HMGN5: variants seen among roughly 807,000 people sequenced by gnomAD.
HMGN5 encodes high mobility group nucleosome binding domain 5.
HMGN5 carries 4 observed loss-of-function variants against 9.5 expected under a neutral mutation model. The ratio of observed to expected loss-of-function variants is 0.42; its 90% CI spans 0.21 to 0.96. HMGN5 has a LOEUF of 0.96. Among genes scored for constraint, HMGN5 ranks in the 40% least tolerant of loss-of-function variants. The pLI, the probability that HMGN5 is intolerant of heterozygous loss-of-function variation, is 0.30. For missense variants in HMGN5, 192 were observed against 187.5 expected, an observed-to-expected ratio of 1.02 and a Z score of -0.14; for synonymous variants, 55 against 57.1, an observed-to-expected ratio of 0.96 and a Z score of 0.16.
At chrX:81,197,352 C>T (rs1208257378) in intron 1 of HMGN5, among the ~76,000 whole-genome samples, 1 of 111,713 alleles carries the variant, frequency 9.0e-6, no homozygotes, top group African/African-American at 3.3e-5. Flanking sequence ...TAATGTTTTT[C>T]AGACAGTTCA....
chrX:81,143,426 T>C (rs752795302), intron 1 of HMGN5, among the ~76,000 whole-genome samples: 16 of 112,046 alleles, frequency 1.4e-4, no homozygotes, highest in East Asian at 1.4e-3. Context: ...CCCAGCGAGA[T>C]TGATGCAGAA....
Position 81,153,617 on chromosome X carries a change from A to C in HMGN5, c.-123-31945T>G, listed in dbSNP as rs866648189. The stretch of plus-strand genomic sequence containing the variant: ...TATATATATATATATATATATATAT[A>C]TATATATATATATATATATATATGT... On this transcript the variant is annotated intron_variant, in intron 1 of 6. Coordinates refer to ENST00000358130, the MANE Select transcript of HMGN5 (RefSeq NM_030763.3). Among the ~76,000 whole-genome samples, 431 of 49,040 alleles carry C rather than the reference A, an allele frequency of 8.8e-3. 33 individuals are homozygous for C. The highest frequency in any genetic ancestry group is 0.022 in the Admixed American group (79 of 3,637). The allele number at this position is 49,040 out of a possible 115,157, so 42.6% of individuals were successfully genotyped here.
intron 1 of HMGN5, among the ~76,000 whole-genome samples, chrX:81,174,198 T>C (rs2075434862): frequency 9.0e-6 from 1 of 111,339 alleles, no homozygotes; most frequent in Non-Finnish European, 1.9e-5. Flanking sequence ...CAGTCCTTTA[T>C]TAAAGGGTAT....
chrX:81,155,102 T>TATATATATATATATATAC (rs1407923805), intron 1 of HMGN5, among the ~76,000 whole-genome samples: 56 of 91,018 alleles, frequency 6.2e-4, no homozygotes, highest in African/African-American at 2.2e-3. Context: ...TATATATATA[T>TATATATATATATATATAC]ACACACACAC....
At chrX:81,150,559 T>C (rs754512411) in intron 1 of HMGN5, among the ~76,000 whole-genome samples, 1 of 111,472 alleles carries the variant, frequency 9.0e-6, no homozygotes, top group South Asian at 3.8e-4. Flanking sequence ...AGAGTGAAAC[T>C]CTGTCTTGCA....
Position 81,183,427 on chromosome X carries a change from T to G in HMGN5, c.-124+18310A>C, listed in dbSNP as rs753571164. Reference sequence around the variant, plus strand: ...CCCTGTGCAGCCTCAGGAGACTGCTTTCTGTATCCCAGCTGCTCCAATCCC... The same window carrying G: ...CCCTGTGCAGCCTCAGGAGACTGCTGTCTGTATCCCAGCTGCTCCAATCCC... On this transcript the variant is annotated intron_variant, in intron 1 of 6. Transcript: ENST00000358130. Among the ~76,000 whole-genome samples the G allele has an allele frequency of 2.8e-3, 296 of 105,300 alleles. 6 individuals carry two copies. The highest frequency in any genetic ancestry group is 2.5e-3 in the Admixed American group (24 of 9,535). The allele number at this position is 105,300 out of a possible 115,157, so 91.4% of individuals were successfully genotyped here.
intron 1 of HMGN5, among the ~76,000 whole-genome samples, chrX:81,171,119 A>G (rs2075424883): frequency 9.0e-6 from 1 of 111,674 alleles, no homozygotes; most frequent in Non-Finnish European, 1.9e-5. Flanking sequence ...ATGTGTTTTT[A>G]TTCTAACATC....
chrX:81,183,085 A>G (rs772166018), intron 1 of HMGN5, among the ~76,000 whole-genome samples: 1 of 112,051 alleles, frequency 8.9e-6, no homozygotes, highest in African/African-American at 3.2e-5. Flanking sequence ...AGGGTATCTG[A>G]TGGAAGAAAT....
At chrX:81,123,725 G>A (rs1423023936) in intron 1 of HMGN5, among the ~76,000 whole-genome samples, 1 of 112,185 alleles carries the variant, frequency 8.9e-6, no homozygotes, top group African/African-American at 3.2e-5. Flanking sequence ...CTGTCTTTAA[G>A]GAATTTTATA....
chrX:81,177,194 T>A (rs759361284), intron 1 of HMGN5, among the ~76,000 whole-genome samples: 1 of 107,383 alleles, frequency 9.3e-6, no homozygotes, highest in South Asian at 4.2e-4. Flanking sequence ...ATTTAATAAA[T>A]GTACTAAAAT....
intron 1 of HMGN5, among the ~76,000 whole-genome samples, chrX:81,153,867 G>A (rs1418261742): frequency 4.8e-5 from 5 of 104,630 alleles, no homozygotes; most frequent in African/African-American, 1.7e-4. Context: ...AAAACAAGAT[G>A]AAATCAATTG....
intron 1 of HMGN5, among the ~76,000 whole-genome samples, chrX:81,167,012 G>T (rs2147631695): frequency 9.0e-6 from 1 of 111,280 alleles, no homozygotes; most frequent in Admixed American, 9.6e-5. Flanking sequence ...GATATCACTA[G>T]GCATAAGTGG....
At chrX:81,147,312 T>C (rs1482629021) in intron 1 of HMGN5, among the ~76,000 whole-genome samples, 1 of 111,758 alleles carries the variant, frequency 8.9e-6, no homozygotes, top group African/African-American at 3.3e-5. Flanking sequence ...TCAAGTTGGC[T>C]TCATCCCTGG....
At chrX:81,161,593 A>T (rs956237578) in intron 1 of HMGN5, among the ~76,000 whole-genome samples, 3 of 110,869 alleles carry the variant, frequency 2.7e-5, no homozygotes, top group African/African-American at 1.0e-4. Flanking sequence ...AAATGTGTGG[A>T]CCAGGAAGCA....
Position 81,121,585 on chromosome X carries a change from A to T in HMGN5, c.-36T>A. ...CTCTATAGGAGATCTTAGTCAGCAG[A>T]AAAAAAGCCGAAGGCAGTCACTGCC... On this transcript the variant is annotated 5_prime_UTR_variant, in exon 2 of 7. Coordinates refer to ENST00000358130, the MANE Select transcript of HMGN5 (RefSeq NM_030763.3). 1.8e-6 allele frequency: 2 copies of T among 1,134,347 alleles called. No homozygotes were observed. The highest frequency in any genetic ancestry group is 2.4e-6 in the Non-Finnish European group (2 of 849,702). 93.5% of individuals were successfully genotyped at this position (1,134,347 alleles called of 1,213,427 possible).
At chrX:81,135,872 T>C (rs1215226927) in intron 1 of HMGN5, among the ~76,000 whole-genome samples, 1 of 111,476 alleles carries the variant, frequency 9.0e-6, no homozygotes, top group East Asian at 2.8e-4. Flanking sequence ...GATTAGGTCA[T>C]TAAGATGGAT....
intron 1 of HMGN5, among the ~76,000 whole-genome samples, chrX:81,140,229 A>G (rs1246234831): frequency 9.0e-6 from 1 of 111,135 alleles, no homozygotes; most frequent in African/African-American, 3.3e-5. Flanking sequence ...ACATTTCCAG[A>G]CATACCTTGA....
At chrX:81,187,449 G>A (rs2075480684) in intron 1 of HMGN5, among the ~76,000 whole-genome samples, 1 of 110,742 alleles carries the variant, frequency 9.0e-6, no homozygotes, top group African/African-American at 3.3e-5. Context: ...TCATTATAGA[G>A]TGTCTTTCTT....
At chrX:81,152,298 G>T (rs1379862855) in intron 1 of HMGN5, among the ~76,000 whole-genome samples, 3 of 111,021 alleles carry the variant, frequency 2.7e-5, no homozygotes, top group African/African-American at 9.8e-5. Context: ...AAATTTACAA[G>T]AAAAAAACAA....
Sources: allele counts gnomAD v4.1 joint callset (sites outside exome capture counted in the v4.1 genomes callset), GRCh38; gene constraint gnomAD v4.1.1; transcripts MANE v1.5; gene names NCBI Gene and HGNC (gene_info 2026-07-23, HGNC 2026-07-21).